The following ADGRG2 variants were observed in gnomAD, a reference collection of about 807,000 sequenced individuals.
ADGRG2 encodes adhesion G protein-coupled receptor G2.
Under a neutral mutation model 74.1 loss-of-function variants are expected in ADGRG2, and 26 were observed. That is an observed-to-expected ratio of 0.35 (90% CI 0.26 to 0.49). The LOEUF is 0.49. ADGRG2 is among the 20% of genes least tolerant of loss of function. The pLI is 0.99. For synonymous variants in ADGRG2, 296 were observed against 295.2 expected, an observed-to-expected ratio of 1.00 and a Z score of -0.03; for missense variants, 619 against 763.1, an observed-to-expected ratio of 0.81 and a Z score of 2.22.
intron 1 of ADGRG2, among the ~76,000 whole-genome samples, chrX:19,083,414 T>C (rs1259246742): frequency 1.8e-5 from 2 of 110,629 alleles, no homozygotes; most frequent in Non-Finnish European, 3.8e-5. Flanking sequence ...GGACCAGACC[T>C]GGGGTGGGGT....
At position 19,082,710 on chromosome X, in the gene ADGRG2, G is replaced by A. The variant is rs200839366; in HGVS notation, c.-10C>T. The stretch of plus-strand genomic sequence containing the variant: ...GAAATAGCATTACTCACCTGACCGC[G>A]AGTTCAGAAAACAAAGTGGAGAACC... On this transcript the variant is annotated 5_prime_UTR_variant, in exon 2 of 29. Transcript: ENST00000379869. 3 of 112,045 alleles carry A rather than the reference G, an allele frequency of 2.7e-5. No homozygotes were observed. The East Asian group carries it at 8.4e-4, about 31-fold the overall frequency. The allele number at this position is 112,045 out of a possible 1,213,427, so 9.2% of individuals were successfully genotyped here.
chrX:19,077,885 T>C (rs890233497), intron 2 of ADGRG2, among the ~76,000 whole-genome samples: 4 of 112,130 alleles, frequency 3.6e-5, no homozygotes, highest in Admixed American at 9.5e-5. Context: ...CCAAACAGCA[T>C]TGACAGAATA....
intron 3 of ADGRG2, among the ~76,000 whole-genome samples, chrX:19,066,612 T>C (rs957851473): frequency 5.5e-5 from 6 of 109,097 alleles, no homozygotes; most frequent in Non-Finnish European, 1.1e-4. Flanking sequence ...CCCGCAACCA[T>C]GCCCGGCTAA....
chrX:19,044,381 A>C (rs1475640293), intron 3 of ADGRG2, among the ~76,000 whole-genome samples: 1 of 111,611 alleles, frequency 9.0e-6, no homozygotes, highest in African/African-American at 3.3e-5. Flanking sequence ...TTCACTTTTA[A>C]GAGCTATTAG....
chrX:19,044,871 C>A (rs1453208583), intron 3 of ADGRG2, among the ~76,000 whole-genome samples: 3 of 111,894 alleles, frequency 2.7e-5, no homozygotes, highest in East Asian at 5.6e-4. Context: ...CCAGGCTTAC[C>A]ACATGAAGGA....
rs1292946664 is a variant in ADGRG2, at chrX:19,066,331, A to G, written c.118+2386T>C. Among the ~76,000 whole-genome samples, 3 of 111,048 alleles carry G rather than the reference A, an allele frequency of 2.7e-5. No homozygotes were observed. In the East Asian group the frequency reaches 8.4e-4, roughly 31 times the overall value. On this transcript the variant is annotated intron_variant, in intron 3 of 28. Transcript: ENST00000379869. ...TGCTAGTAGATTTTTATCTTATGCA[A>G]TAAAGATTCCTTGGTCCTGCCACCC...
At chrX:19,102,556 G>A (rs2147039804) in intron 1 of ADGRG2, among the ~76,000 whole-genome samples, 1 of 108,730 alleles carries the variant, frequency 9.2e-6, no homozygotes, top group African/African-American at 3.4e-5. Flanking sequence ...TTTAAACCAA[G>A]GAAATGAATC....
rs59752356 is a variant in ADGRG2, at chrX:19,117,293, C to CA, written c.-47+5148dup. 2.4e-3 allele frequency among the ~76,000 whole-genome samples: 189 copies of CA among 79,738 alleles called. 1 individual carries two copies. Among genetic ancestry groups the CA allele is most frequent in the Middle Eastern group, 9.4e-3 (1 of 106 alleles). The allele number at this position is 79,738 out of a possible 115,157, so 69.2% of individuals were successfully genotyped here. A position where few individuals can be genotyped will look rare whatever the true frequency, so the allele number is the denominator to read the frequency against. ...TGGGCAACAGAGTGAGACTCTGTCT[C>CA]AAAAAAAAAAATTAAAAAATTAAAA... On this transcript the variant is annotated intron_variant, in intron 1 of 28. Coordinates refer to ENST00000379869, the MANE Select transcript of ADGRG2 (RefSeq NM_001079858.3).
At chrX:19,078,118 G>C (rs767086484) in intron 2 of ADGRG2, among the ~76,000 whole-genome samples, 49 of 112,330 alleles carry the variant, frequency 4.4e-4, no homozygotes, top group Non-Finnish European at 9.0e-4. Flanking sequence ...CAACAGAAAA[G>C]TCTCAAAAGC....
intron 2 of ADGRG2, among the ~76,000 whole-genome samples, chrX:19,071,857 G>A (rs2061658932): frequency 9.0e-6 from 1 of 111,091 alleles, no homozygotes; most frequent in African/African-American, 3.3e-5. Flanking sequence ...GCATTATTGA[G>A]TGAACTTCAG....
At position 19,055,724 on chromosome X, in the gene ADGRG2, T is replaced by C. The variant is rs970939417; in HGVS notation, c.118+12993A>G. Among the ~76,000 whole-genome samples the C allele has an allele frequency of 3.9e-3, 415 of 106,658 alleles. 1 individual carries two copies. The highest frequency in any genetic ancestry group is 9.7e-3 in the Middle Eastern group (2 of 207). 92.6% of individuals were successfully genotyped at this position (106,658 alleles called of 115,157 possible). On this transcript the variant is annotated intron_variant, in intron 3 of 28. Transcript: ENST00000379869. ...AAGAGAGAGAGTGATGGGAATCAGGTGGGAGATTTTTTTTTTTTTTTTTGA... is the reference window on the plus strand; with the variant it reads ...AAGAGAGAGAGTGATGGGAATCAGGCGGGAGATTTTTTTTTTTTTTTTTGA...
chrX:19,110,990 G>T (rs763037345), intron 1 of ADGRG2, among the ~76,000 whole-genome samples: 14 of 111,556 alleles, frequency 1.3e-4, no homozygotes, highest in Non-Finnish European at 2.6e-4. Flanking sequence ...AGAAAGAGAC[G>T]GAGAAGGATG....
In ADGRG2 at chrX:18,990,622, G is replaced by A. The variant is rs761237045; in HGVS notation, c.*242C>T. The A allele has an allele frequency of 7.7e-6, 2 of 260,121 alleles. No individual in the cohort carries two copies. Among genetic ancestry groups the A allele is most frequent in the Non-Finnish European group, 1.4e-5 (2 of 148,128 alleles). The allele number at this position is 260,121 out of a possible 1,213,427, so 21.4% of individuals were successfully genotyped here. A position where few individuals can be genotyped will look rare whatever the true frequency, so the allele number is the denominator to read the frequency against. ...TTATAGGAGTCATTCTTAGTGTATT[G>A]TTTAAAACCAACCTTCTTATAAAAT... On this transcript the variant is annotated 3_prime_UTR_variant, in exon 29 of 29. Coordinates refer to ENST00000379869, the MANE Select transcript of ADGRG2 (RefSeq NM_001079858.3).
intron 3 of ADGRG2, among the ~76,000 whole-genome samples, chrX:19,049,305 C>T (rs1193243214): frequency 9.0e-6 from 1 of 111,534 alleles, no homozygotes; most frequent in Non-Finnish European, 1.9e-5. Context: ...TGCCATCTGG[C>T]GAGTTAATAT....
intron 9 of ADGRG2, among the ~76,000 whole-genome samples, chrX:19,030,738 T>C (rs957614673): frequency 8.9e-6 from 1 of 112,287 alleles, no homozygotes; most frequent in African/African-American, 3.2e-5. Context: ...ATGAAAAATA[T>C]TTATTGTAGA....
chrX:19,036,616 A>AACACACACACACACACAC (rs534574581), intron 6 of ADGRG2, among the ~76,000 whole-genome samples: 7 of 94,705 alleles, frequency 7.4e-5, no homozygotes, highest in Non-Finnish European at 1.1e-4. Context: ...TCATACTTAA[A>AACACACACACACACACAC]ACACACACAC....
At chrX:19,070,739 G>A (rs1276396624) in intron 2 of ADGRG2, among the ~76,000 whole-genome samples, 4 of 112,214 alleles carry the variant, frequency 3.6e-5, no homozygotes, top group Non-Finnish European at 5.6e-5. Context: ...AAGCCCTAGA[G>A]TGAGTGTGAA....
At chrX:19,017,980 G>T (rs1210122396) in intron 15 of ADGRG2, among the ~76,000 whole-genome samples, 1 of 111,441 alleles carries the variant, frequency 9.0e-6, no homozygotes, top group Non-Finnish European at 1.9e-5. Flanking sequence ...TACACCTGTG[G>T]TCACATCATG....
At chrX:19,084,823 A>G (rs1262756902) in intron 1 of ADGRG2, among the ~76,000 whole-genome samples, 1 of 112,053 alleles carries the variant, frequency 8.9e-6, no homozygotes, top group African/African-American at 3.2e-5. Context: ...CTCCCTTGGA[A>G]TACTTACAGG....
Sources: allele counts gnomAD v4.1 joint callset (sites outside exome capture counted in the v4.1 genomes callset), GRCh38; gene constraint gnomAD v4.1.1; transcripts MANE v1.5; gene names NCBI Gene and HGNC (gene_info 2026-07-23, HGNC 2026-07-21).